Variants in PEMT observed in about 807,000 individuals in gnomAD.
The protein encoded by PEMT is phospholipid methyltransferase.
In PEMT, 23 loss-of-function variants were observed where a neutral mutation model predicts 27.4. The ratio of observed to expected loss-of-function variants is 0.84; its 90% CI spans 0.60 to 1.19. PEMT has a LOEUF of 1.19. Ranked by LOEUF, PEMT falls within the 50% of genes most tolerant of loss-of-function variation. The pLI, the probability that PEMT is intolerant of heterozygous loss-of-function variation, is 0.00. For synonymous variants in PEMT, 137 were observed against 139.1 expected, an observed-to-expected ratio of 0.98 and a Z score of 0.11; for missense variants, 307 against 310.1, an observed-to-expected ratio of 0.99 and a Z score of 0.07.
At chr17:17,518,869 C>A (rs561814492) in intron 3 of PEMT, among the ~76,000 whole-genome samples, 1 of 152,246 alleles carries the variant, frequency 6.6e-6, no homozygotes, top group African/African-American at 2.4e-5. Context: ...GAGATGACTG[C>A]TCCAGGCCTA....
intron 2 of PEMT, among the ~76,000 whole-genome samples, chr17:17,553,351 C>A (rs919541679): frequency 6.6e-6 from 1 of 152,234 alleles, no homozygotes; most frequent in Non-Finnish European, 1.5e-5. Flanking sequence ...CGCCTGCACA[C>A]TTCGGACTTT....
At chr17:17,521,185 G>C (rs9908984) in intron 3 of PEMT, among the ~76,000 whole-genome samples, 56,656 of 152,206 alleles carry the variant, frequency 0.37, 11,407 homozygotes, top group Non-Finnish European at 0.46. Context: ...GGCACACACA[G>C]AACTTCTGGT....
intron 2 of PEMT, among the ~76,000 whole-genome samples, chr17:17,535,570 A>G (rs74833058): frequency 2.5e-5 from 1 of 40,794 alleles, no homozygotes; most frequent in Admixed American, 2.5e-4. Flanking sequence ...GTCTCAAGAA[A>G]AAAAAAAAAA....
chr17:17,508,103 G>A (rs958879450), intron 5 of PEMT: 2 of 152,540 alleles, frequency 1.3e-5, no homozygotes, highest in African/African-American at 4.8e-5. Context: ...GGTTCTAGGC[G>A]AGGGAACAGT....
At chr17:17,574,121 C>T (rs570142507) in intron 2 of PEMT, among the ~76,000 whole-genome samples, 106 of 151,910 alleles carry the variant, frequency 7.0e-4, no homozygotes, top group Admixed American at 2.7e-3. Flanking sequence ...GGAACTGCAA[C>T]ATGTTTCTTA....
intron 3 of PEMT, among the ~76,000 whole-genome samples, chr17:17,521,000 G>A (rs369118351): frequency 1.5e-4 from 23 of 152,380 alleles, no homozygotes; most frequent in African/African-American, 5.0e-4. Flanking sequence ...GGCTCCGCAC[G>A]TGCTGGCATG....
chr17:17,559,229 A>C (rs991213320), intron 2 of PEMT, among the ~76,000 whole-genome samples: 5 of 152,202 alleles, frequency 3.3e-5, no homozygotes, highest in African/African-American at 1.2e-4. Flanking sequence ...ACTTCAGAAA[A>C]GGGGACCCTG....
At chr17:17,524,435 C>T (rs539493147) in intron 2 of PEMT, among the ~76,000 whole-genome samples, 1 of 152,106 alleles carries the variant, frequency 6.6e-6, no homozygotes, top group South Asian at 2.1e-4. Context: ...CTCCCCAACA[C>T]CAGTTATTTT....
chr17:17,534,895 C>CTATTTTATTTTATTT (rs71860290), intron 2 of PEMT, among the ~76,000 whole-genome samples: 114 of 148,646 alleles, frequency 7.7e-4, no homozygotes, highest in African/African-American at 2.6e-3. Flanking sequence ...CTCTATAAGG[C>CTATTTTATTTTATTT]TATTTTATTT....
At chr17:17,526,548 C>A (rs1203509899) in intron 2 of PEMT, among the ~76,000 whole-genome samples, 1 of 152,244 alleles carries the variant, frequency 6.6e-6, no homozygotes, top group Admixed American at 6.5e-5. Context: ...CCGTCTCTCC[C>A]CCTATCCGTG....
chr17:17,527,060 G>A (rs182615765), intron 2 of PEMT, among the ~76,000 whole-genome samples: 22 of 152,186 alleles, frequency 1.4e-4, no homozygotes, highest in Admixed American at 4.6e-4. Flanking sequence ...GTTTTTAGAC[G>A]GAGTTTCGCT....
intron 2 of PEMT, among the ~76,000 whole-genome samples, chr17:17,553,636 C>A (rs938139275): frequency 3.9e-5 from 6 of 152,240 alleles, no homozygotes; most frequent in Admixed American, 3.9e-4. Flanking sequence ...CCTGACCCAG[C>A]ACCCCCTGCT....
chr17:17,585,535 A>G (rs1369526657), intron 1 of PEMT, among the ~76,000 whole-genome samples: 4 of 152,180 alleles, frequency 2.6e-5, no homozygotes, highest in African/African-American at 9.7e-5. Flanking sequence ...AAAGCTCAGA[A>G]GGCTAAATGA....
chr17:17,579,727 A>G (rs936643575), intron 1 of PEMT, among the ~76,000 whole-genome samples: 16 of 152,230 alleles, frequency 1.1e-4, no homozygotes, highest in African/African-American at 3.9e-4. Flanking sequence ...TAAGGGATGA[A>G]TGAGCTGACA....
intron 2 of PEMT, among the ~76,000 whole-genome samples, chr17:17,545,947 T>C (rs746502414): frequency 5.3e-5 from 8 of 152,234 alleles, no homozygotes; most frequent in Admixed American, 2.6e-4. Flanking sequence ...TGTCTCTTCC[T>C]GCTAAAATCT....
intron 2 of PEMT, among the ~76,000 whole-genome samples, chr17:17,539,740 C>T (rs1908748500): frequency 1.3e-5 from 2 of 152,216 alleles, no homozygotes; most frequent in Admixed American, 6.5e-5. Flanking sequence ...CATTCAGGGG[C>T]ACAGAGCCCC....
At chr17:17,525,274 A>G (rs1907586608) in intron 2 of PEMT, among the ~76,000 whole-genome samples, 1 of 152,204 alleles carries the variant, frequency 6.6e-6, no homozygotes, top group South Asian at 2.1e-4. Context: ...CGACAACAGA[A>G]AAGCATCAAG....
At chr17:17,553,546 C>T (rs1453190079) in intron 2 of PEMT, among the ~76,000 whole-genome samples, 2 of 152,178 alleles carry the variant, frequency 1.3e-5, no homozygotes, top group East Asian at 1.9e-4. Flanking sequence ...ACTCTGGATC[C>T]CCCCAACTCT....
intron 4 of PEMT, among the ~76,000 whole-genome samples, chr17:17,511,296 C>T (rs1239816570): frequency 1.3e-5 from 2 of 152,218 alleles, no homozygotes; most frequent in Non-Finnish European, 2.9e-5. Flanking sequence ...CCTTCCTGGA[C>T]CAAACTCCCT....
Sources: allele counts gnomAD v4.1 joint callset (sites outside exome capture counted in the v4.1 genomes callset), GRCh38; gene constraint gnomAD v4.1.1; transcripts MANE v1.5; gene names NCBI Gene and HGNC (gene_info 2026-07-23, HGNC 2026-07-21).